SORCS1: variants seen among roughly 807,000 people sequenced by gnomAD.
SORCS1 encodes the protein VPS10 domain-containing receptor SorCS1.
In SORCS1, 60 loss-of-function variants were observed where a neutral mutation model predicts 146.1. The observed-to-expected ratio is 0.41, with a 90% CI of 0.33 to 0.51. The LOEUF is 0.51. Ranked by LOEUF, SORCS1 falls within the 20% of genes least tolerant of loss-of-function variation. The pLI, the probability that SORCS1 is intolerant of heterozygous loss-of-function variation, is 0.21. For missense variants in SORCS1, 1,352 were observed against 1,487.6 expected, an observed-to-expected ratio of 0.91 and a Z score of 1.50; for synonymous variants, 637 against 584.0, an observed-to-expected ratio of 1.09 and a Z score of -1.31.
chr10:107,084,028 A>G (rs1240025066), intron 1 of SORCS1, among the ~76,000 whole-genome samples: 2 of 151,440 alleles, frequency 1.3e-5, no homozygotes, highest in African/African-American at 4.9e-5. Flanking sequence ...TATACAGAAT[A>G]TTAACTAGAG....
intron 2 of SORCS1, among the ~76,000 whole-genome samples, chr10:106,927,280 C>T (rs1431263769): frequency 1.3e-5 from 2 of 152,014 alleles, no homozygotes; most frequent in Non-Finnish European, 2.9e-5. Flanking sequence ...CTGGTGGGTT[C>T]GTGGTCTTGC....
intron 1 of SORCS1, among the ~76,000 whole-genome samples, chr10:107,031,612 T>C (rs1251742751): frequency 1.3e-5 from 2 of 152,038 alleles, no homozygotes; most frequent in African/African-American, 4.8e-5. Context: ...TTTTTTTTTT[T>C]TGGTGGGGGG....
In SORCS1 at chr10:106,591,038, G is replaced by A. The variant is rs892403110; in HGVS notation, c.3265+6313C>T. Among the ~76,000 whole-genome samples, 3 of 152,308 alleles carry A rather than the reference G, an allele frequency of 2.0e-5. No individual in the cohort carries two copies. The East Asian group carries it at 5.8e-4, about 29-fold the overall frequency. On this transcript the variant is annotated intron_variant, in intron 24 of 25. Transcript: ENST00000263054. ...TGGGGAGGACAAGGGAGGCATCACA[G>A]AAGATGTGAAGAAGGTTTGGCTGGT... is the stretch of plus-strand genomic sequence containing the variant.
intron 1 of SORCS1, among the ~76,000 whole-genome samples, chr10:107,040,734 T>C (rs535409387): frequency 1.4e-3 from 208 of 152,304 alleles, no homozygotes; most frequent in African/African-American, 4.8e-3. Context: ...ACACTTAGCA[T>C]AGTACCTGGC....
chr10:106,674,678 G>A (rs1851894464), intron 14 of SORCS1, among the ~76,000 whole-genome samples: 1 of 152,116 alleles, frequency 6.6e-6, no homozygotes, highest in Non-Finnish European at 1.5e-5. Context: ...AAGAGCCAGG[G>A]AAAAATACAA....
intron 18 of SORCS1, among the ~76,000 whole-genome samples, chr10:106,638,184 G>C (rs994524083): frequency 2.0e-5 from 3 of 152,160 alleles, no homozygotes; most frequent in Non-Finnish European, 4.4e-5. Flanking sequence ...TAGAAAACTA[G>C]GGGGCTGCCA....
At chr10:106,671,653 A>T (rs1320998921) in intron 15 of SORCS1, among the ~76,000 whole-genome samples, 1 of 152,232 alleles carries the variant, frequency 6.6e-6, no homozygotes, top group Non-Finnish European at 1.5e-5. Context: ...GCTATGAAGG[A>T]CACACAGACT....
chr10:106,687,459 A>G (rs1188130968), intron 10 of SORCS1, among the ~76,000 whole-genome samples: 2 of 152,198 alleles, frequency 1.3e-5, no homozygotes, highest in African/African-American at 4.8e-5. Context: ...TGTGATACAG[A>G]TAATAAATAC....
chr10:106,629,936 C>T (rs533018166), intron 18 of SORCS1, among the ~76,000 whole-genome samples: 7 of 152,102 alleles, frequency 4.6e-5, no homozygotes, highest in Non-Finnish European at 8.8e-5. Context: ...CCCAGCTACT[C>T]GGGGGGGCTG....
At chr10:106,831,180 G>A (rs942802306) in intron 2 of SORCS1, among the ~76,000 whole-genome samples, 1 of 152,022 alleles carries the variant, frequency 6.6e-6, no homozygotes, top group Non-Finnish European at 1.5e-5. Flanking sequence ...GCGGAGTCTT[G>A]TCCAGAGCAA....
chr10:106,764,790 G>A (rs1859428042), intron 4 of SORCS1, among the ~76,000 whole-genome samples: 2 of 152,088 alleles, frequency 1.3e-5, no homozygotes, highest in Non-Finnish European at 2.9e-5. Flanking sequence ...TTGGGAGGGC[G>A]AGGCGGGCGG....
At chr10:106,699,544 T>A in intron 8 of SORCS1, 151 bp from the exon 9 acceptor site, 1 of 628,110 alleles carries the variant, frequency 1.6e-6, no homozygotes, top group Non-Finnish European at 2.6e-6. Flanking sequence ...AAATAATAGT[T>A]AAGCATTAAT....
chr10:106,927,255 C>T (rs1430611319), intron 2 of SORCS1, among the ~76,000 whole-genome samples: 1 of 152,072 alleles, frequency 6.6e-6, no homozygotes, highest in South Asian at 2.1e-4. Flanking sequence ...CGGATGTGTT[C>T]GGAGTTTCTT....
At chr10:107,032,308 C>T (rs980549754) in intron 1 of SORCS1, among the ~76,000 whole-genome samples, 18 of 152,170 alleles carry the variant, frequency 1.2e-4, no homozygotes, top group African/African-American at 4.3e-4. Flanking sequence ...AGAGGCATGG[C>T]ATGGATCAAA....
At chr10:106,988,032 TCTCA>T (rs1564892620) in intron 1 of SORCS1, among the ~76,000 whole-genome samples, 1 of 152,200 alleles carries the variant, frequency 6.6e-6, no homozygotes. Context: ...TCTTCCTCTC[TCTCA>T]CTATATTACA....
At chr10:107,147,152 C>A (rs1231954146) in intron 1 of SORCS1, among the ~76,000 whole-genome samples, 1 of 152,210 alleles carries the variant, frequency 6.6e-6, no homozygotes, top group African/African-American at 2.4e-5. Context: ...GTTTAACCTA[C>A]AATTCTTTTT....
chr10:107,079,538 A>G (rs191259718), intron 1 of SORCS1, among the ~76,000 whole-genome samples: 2 of 152,284 alleles, frequency 1.3e-5, no homozygotes, highest in Admixed American at 1.3e-4. Flanking sequence ...ACTGCTAACA[A>G]TTTTTTGCTA....
At chr10:106,970,495 C>G (rs890779350) in intron 1 of SORCS1, among the ~76,000 whole-genome samples, 2 of 151,470 alleles carry the variant, frequency 1.3e-5, no homozygotes, top group East Asian at 2.0e-4. Flanking sequence ...CGCACCACCA[C>G]GCCCGGCTAA....
At chr10:106,908,372 A>G (rs1382959882) in intron 2 of SORCS1, among the ~76,000 whole-genome samples, 1 of 152,202 alleles carries the variant, frequency 6.6e-6, no homozygotes, top group Non-Finnish European at 1.5e-5. Context: ...TACGTAGAAT[A>G]TAGATGTCAA....
Sources: allele counts gnomAD v4.1 joint callset (sites outside exome capture counted in the v4.1 genomes callset), GRCh38; gene constraint gnomAD v4.1.1; transcripts MANE v1.5; gene names NCBI Gene and HGNC (gene_info 2026-07-23, HGNC 2026-07-21).